Variants in BTNL9 observed in about 807,000 individuals in gnomAD.
The protein encoded by BTNL9 is butyrophilin like 9, also known as butyrophilin-like protein 9.
Under a neutral mutation model 45.8 loss-of-function variants are expected in BTNL9, and 45 were observed. That is an observed-to-expected ratio of 0.98 (90% confidence interval 0.77 to 1.26). The LOEUF is 1.26. Ranked by LOEUF, BTNL9 falls within the 50% of genes most tolerant of loss-of-function variation. The pLI, the probability that BTNL9 is intolerant of heterozygous loss-of-function variation, is 0.00. For missense variants in BTNL9, 784 were observed against 729.7 expected (o/e 1.07, Z -0.86); for synonymous variants, 346 against 330.8 (o/e 1.05, Z -0.50).
rs180758186 is a variant in BTNL9 at position 181,059,306 on chromosome 5, C to G, written c.1052C>G (p.Ser351Cys). ...LEVSEDGKSV[S>C]SRGAPPGPAP... ...GTGTCGGAGGATGGCAAGAGCGTGT[C>G]TTCCCGCGGGGCGCCGCCAGGCCCG... is the stretch of plus-strand genomic sequence containing the variant. The change falls in exon 11 of 11, where the codon TCT becomes TGT. Residue 351 changes from serine to cysteine, a missense_variant. Transcript: ENST00000327705. 2.6e-4 allele frequency: 409 copies of G among 1,565,236 alleles called. 2 individuals are homozygous for G. The East Asian group carries it at 9.1e-3, about 35-fold the overall frequency.
At position 181,050,647 on chromosome 5, in the gene BTNL9, G is replaced by T. The variant is rs1255586767; in HGVS notation, c.736+278G>T. Reference sequence around the variant, plus strand: ...CAACTCTGCTCATCAGAGGCATCATGGGAGCCAATAGATTCGTAATGCTGT... The same window carrying T: ...CAACTCTGCTCATCAGAGGCATCATTGGAGCCAATAGATTCGTAATGCTGT... On this transcript the variant is annotated intron_variant, in intron 4 of 10. Coordinates refer to ENST00000327705, the MANE Select transcript of BTNL9 (RefSeq NM_152547.5). This position sits in a 1 kb window ranked among gnomAD's most constrained non-coding sequence, Gnocchi z 4.9. Among the ~76,000 whole-genome samples the T allele has an allele frequency of 6.6e-6, 1 of 152,190 alleles. No individual in the cohort carries two copies. Among genetic ancestry groups the T allele is most frequent in the Non-Finnish European group, 1.5e-5 (1 of 68,038 alleles).
Position 181,054,086 on chromosome 5 carries a change from C to A in BTNL9, c.887-153C>A, listed in dbSNP as rs1761741271. 29 of 1,550,588 alleles carry A rather than the reference C, an allele frequency of 1.9e-5. No homozygotes were observed. The South Asian group carries it at 3.3e-4, about 18-fold the overall frequency. On this transcript the variant is annotated intron_variant, in intron 6 of 10. Transcript: ENST00000327705. ...TCCCCATCCCCTGCCTGGAGCCTCACTTCCAGCCCAGCCTGGGCCCGCAGA... is the reference window on the plus strand; with the variant it reads ...TCCCCATCCCCTGCCTGGAGCCTCAATTCCAGCCCAGCCTGGGCCCGCAGA...
Position 181,042,612 on chromosome 5 carries a change from G to T in BTNL9, c.-24+2180G>T, listed in dbSNP as rs369710756. On this transcript the variant is annotated intron_variant, in intron 1 of 10. Coordinates refer to ENST00000327705, the MANE Select transcript of BTNL9 (RefSeq NM_152547.5). The surrounding 1 kb of genome is among the most constrained non-coding windows in gnomAD (Gnocchi z 4.5). ...GCCAGACCATCTCTCTCTGCTAAAG[G>T]CTTTCAAGATGATACCCTTGAGTGT... is the stretch of plus-strand genomic sequence containing the variant. Among the ~76,000 whole-genome samples, 12 of 152,290 alleles carry T rather than the reference G, an allele frequency of 7.9e-5. No homozygotes were observed. The highest frequency in any genetic ancestry group is 2.9e-4 in the African/African-American group (12 of 41,548).
Position 181,054,401 on chromosome 5 carries a change from C to T in BTNL9, c.907+142C>T, listed in dbSNP as rs1761765472. Reference sequence around the variant, plus strand: ...CTGTGAGCCTCCACCTCTTCCCTTGCTAAGGGGCTGAAAGGATGGCTGCCT... The same window carrying T: ...CTGTGAGCCTCCACCTCTTCCCTTGTTAAGGGGCTGAAAGGATGGCTGCCT... On this transcript the variant is annotated intron_variant, in intron 7 of 10. Coordinates refer to ENST00000327705, the MANE Select transcript of BTNL9 (RefSeq NM_152547.5). 2.0e-6 allele frequency: 3 copies of T among 1,504,354 alleles called. No individual in the cohort carries two copies. The East Asian group carries it at 6.9e-5, about 35-fold the overall frequency. The allele number at this position is 1,504,354 out of a possible 1,614,324, so 93.2% of individuals were successfully genotyped here. A position where few individuals can be genotyped will look rare whatever the true frequency, so the allele number is the denominator to read the frequency against.
chr5:181,052,604 G>A lies in BTNL9; in HGVS notation c.737-596G>A, dbSNP rs569463006. ...ATTCAACCGCCACAGGGTTTGCGAA[G>A]GGCCGGTGGGTTCTGCGCGTCCCTG... On this transcript the variant is annotated intron_variant, in intron 4 of 10. Transcript: ENST00000327705. Among the ~76,000 whole-genome samples, 14 of 152,348 alleles carry A rather than the reference G, an allele frequency of 9.2e-5. No homozygotes were observed. The South Asian group carries it at 2.9e-3, about 32-fold the overall frequency.
At position 181,060,061 on chromosome 5, in the gene BTNL9, C is replaced by T. The variant is rs1218105071; in HGVS notation, c.*199C>T. On this transcript the variant is annotated 3_prime_UTR_variant, in exon 11 of 11. Transcript: ENST00000327705. ...AAGGAAAGGAGACAAGTCCAAAGCTCGTTTGTGGATTGTGGGACTGAGCGA... is the reference window on the plus strand; with the variant it reads ...AAGGAAAGGAGACAAGTCCAAAGCTTGTTTGTGGATTGTGGGACTGAGCGA... 3 of 597,918 alleles carry T rather than the reference C, an allele frequency of 5.0e-6. No individual in the cohort carries two copies. Among genetic ancestry groups the T allele is most frequent in the African/African-American group, 1.9e-5 (1 of 53,724 alleles). The allele number at this position is 597,918 out of a possible 1,614,324, so 37.0% of individuals were successfully genotyped here.
chr5:181,050,032 T>C lies in BTNL9; in HGVS notation c.455-56T>C. On this transcript the variant is annotated intron_variant, in intron 3 of 10. Coordinates refer to ENST00000327705, the MANE Select transcript of BTNL9 (RefSeq NM_152547.5). The surrounding 1 kb of genome is among the most constrained non-coding windows in gnomAD (Gnocchi z 4.9). The stretch of plus-strand genomic sequence containing the variant: ...AAATGCTGAACAGTGGCAGGAATGT[T>C]ATGCGTGATTTCTCAGAAGAAGCCT... The C allele has an allele frequency of 6.4e-7, 1 of 1,562,042 alleles. No homozygotes were observed. The highest frequency in any genetic ancestry group is 8.7e-7 in the Non-Finnish European group (1 of 1,150,830).
intron 9 of BTNL9, chr5:181,056,463 C>T (rs932799434): frequency 4.6e-5 from 32 of 691,872 alleles, no homozygotes; most frequent in Non-Finnish European, 6.0e-5. Context: ...TTGCTTTTCC[C>T]GTATGCATCA....
Position 181,055,534 on chromosome 5 carries a change from C to T in BTNL9, c.928+81C>T, listed in dbSNP as rs1464378824. The T allele has an allele frequency of 1.3e-6, 2 of 1,514,342 alleles. No individual in the cohort carries two copies. The highest frequency in any genetic ancestry group is 1.8e-6 in the Non-Finnish European group (2 of 1,091,710). The allele number at this position is 1,514,342 out of a possible 1,614,324, so 93.8% of individuals were successfully genotyped here. ...CCTGTAATCCCAGTACTTTGGGAGG[C>T]CGAGGCGGGTGGATCACGAGGTCAG... On this transcript the variant is annotated intron_variant, in intron 8 of 10. Coordinates refer to ENST00000327705, the MANE Select transcript of BTNL9 (RefSeq NM_152547.5). The surrounding 1 kb of genome is among the most constrained non-coding windows in gnomAD (Gnocchi z 4.4).
chr5:181,044,038 T>A (rs540270467), intron 1 of BTNL9, among the ~76,000 whole-genome samples: 9 of 152,212 alleles, frequency 5.9e-5, no homozygotes, highest in South Asian at 2.1e-4. Flanking sequence ...TCCCAACCTG[T>A]CCTCTGTTTG....
In BTNL9 at chr5:181,050,658, G is replaced by A. The variant is rs1761483391; in HGVS notation, c.736+289G>A. Among the ~76,000 whole-genome samples the A allele has an allele frequency of 6.6e-6, 1 of 152,208 alleles. No homozygotes were observed. Among genetic ancestry groups the A allele is most frequent in the African/African-American group, 2.4e-5 (1 of 41,442 alleles). ...ATCAGAGGCATCATGGGAGCCAATA[G>A]ATTCGTAATGCTGTCTCTCAAACAG... On this transcript the variant is annotated intron_variant, in intron 4 of 10. Transcript: ENST00000327705. The surrounding 1 kb of genome is among the most constrained non-coding windows in gnomAD (Gnocchi z 4.9).
Position 181,042,558 on chromosome 5 carries a change from G to A in BTNL9, c.-24+2126G>A, listed in dbSNP as rs1760831303. 6.6e-6 allele frequency among the ~76,000 whole-genome samples: 1 copy of A among 152,156 alleles called. No homozygotes were observed. The highest frequency in any genetic ancestry group is 1.5e-5 in the Non-Finnish European group (1 of 68,026). ...AAACGGGGAGGAGGGTGCTGTCCAG[G>A]AGCCGCTGACTTTTCCCTTCAGGAA... is the stretch of plus-strand genomic sequence containing the variant. On this transcript the variant is annotated intron_variant, in intron 1 of 10. Coordinates refer to ENST00000327705, the MANE Select transcript of BTNL9 (RefSeq NM_152547.5). This position sits in a 1 kb window ranked among gnomAD's most constrained non-coding sequence, Gnocchi z 4.5.
In BTNL9 at chr5:181,059,875, G is replaced by A. The variant is rs769542502; in HGVS notation, c.*13G>A. On this transcript the variant is annotated 3_prime_UTR_variant, in exon 11 of 11. Transcript: ENST00000327705. Reference sequence around the variant, plus strand: ...GGACTGGTGGTGAGGCGCCCTCGTGGCCGCGGGACTGGCCCCGGGGGGCCC... The same window carrying A: ...GGACTGGTGGTGAGGCGCCCTCGTGACCGCGGGACTGGCCCCGGGGGGCCC... The A allele has an allele frequency of 3.6e-5, 54 of 1,510,996 alleles. No individual in the cohort carries two copies. The Middle Eastern group carries it at 5.1e-4, about 14-fold the overall frequency. The allele number at this position is 1,510,996 out of a possible 1,614,324, so 93.6% of individuals were successfully genotyped here. A position where few individuals can be genotyped will look rare whatever the true frequency, so the allele number is the denominator to read the frequency against.
intron 9 of BTNL9, among the ~76,000 whole-genome samples, chr5:181,056,380 C>G (rs1044076967): frequency 6.6e-6 from 1 of 152,142 alleles, no homozygotes; most frequent in African/African-American, 2.4e-5. Flanking sequence ...TATATTCTTG[C>G]AAAATGTGAA....
In BTNL9 at chr5:181,058,595, G is replaced by A. The variant is rs148651002; in HGVS notation, c.982+217G>A. Among the ~76,000 whole-genome samples the A allele has an allele frequency of 1.4e-3, 218 of 152,054 alleles. 2 individuals carry two copies. The highest frequency in any genetic ancestry group is 3.4e-3 in the Middle Eastern group (1 of 294). On this transcript the variant is annotated intron_variant, in intron 10 of 10. Transcript: ENST00000327705. ...GCACACGTGAGCTCCCAAACACATC[G>A]CTCCTTGGGGTTACACTAGGTTTGT... is the stretch of plus-strand genomic sequence containing the variant.
chr5:181,046,379 C>T (rs1761152156), intron 2 of BTNL9, among the ~76,000 whole-genome samples: 1 of 152,126 alleles, frequency 6.6e-6, no homozygotes, highest in South Asian at 2.1e-4. Flanking sequence ...AATCCACAGG[C>T]ATAGCAGGGA....
Position 181,045,704 on chromosome 5 carries a change from A to G in BTNL9, c.109+106A>G, listed in dbSNP as rs1761078049. ...ACAGTACCAGGGCGTGCCAGACGCT[A>G]AAATACAAAAAAGACTTCCATCCTG... On this transcript the variant is annotated intron_variant, in intron 2 of 10. Coordinates refer to ENST00000327705, the MANE Select transcript of BTNL9 (RefSeq NM_152547.5). 3 of 869,772 alleles carry G rather than the reference A, an allele frequency of 3.4e-6. No homozygotes were observed. In the African/African-American group the frequency reaches 5.0e-5, roughly 15 times the overall value. 53.9% of individuals were successfully genotyped at this position (869,772 alleles called of 1,614,324 possible).
intron 2 of BTNL9, among the ~76,000 whole-genome samples, chr5:181,047,116 GA>G (rs1761224506): frequency 6.6e-6 from 1 of 152,174 alleles, no homozygotes; most frequent in Admixed American, 6.5e-5. Context: ...AAAGAAAGGA[GA>G]GGAGAAGTAC....
Position 181,053,982 on chromosome 5 carries a change from C to T in BTNL9, c.887-257C>T, listed in dbSNP as rs943423463. The stretch of plus-strand genomic sequence containing the variant: ...CCGAGCTAATAGATTTGGGAGGCTC[C>T]GACCCTGATTTTCACACTAGCAGGA... On this transcript the variant is annotated intron_variant, in intron 6 of 10. Coordinates refer to ENST00000327705, the MANE Select transcript of BTNL9 (RefSeq NM_152547.5). This position sits in a 1 kb window ranked among gnomAD's most constrained non-coding sequence, Gnocchi z 6.5. 5.2e-6 allele frequency: 8 copies of T among 1,532,988 alleles called. No homozygotes were observed. Among genetic ancestry groups the T allele is most frequent in the Middle Eastern group, 1.7e-4 (1 of 5,992 alleles). 95.0% of individuals were successfully genotyped at this position (1,532,988 alleles called of 1,614,324 possible).
Sources: allele counts gnomAD v4.1 joint callset (sites outside exome capture counted in the v4.1 genomes callset), GRCh38; gene constraint gnomAD v4.1.1; non-coding constraint Gnocchi (gnomAD v3.1); transcripts MANE v1.5; gene names NCBI Gene and HGNC (gene_info 2026-07-23, HGNC 2026-07-21).